The following ANKRD30BL variants were observed in gnomAD, a reference collection of about 807,000 sequenced individuals.
The protein encoded by ANKRD30BL is putative ankyrin repeat domain-containing protein 30B-like.
Under a neutral mutation model 18.4 loss-of-function variants are expected in ANKRD30BL, and 20 were observed. The observed-to-expected ratio is 1.09, with a 90% CI of 0.77 to 1.58. The LOEUF (loss-of-function observed/expected upper bound fraction) is 1.58, where lower values mean the gene tolerates loss of function less well. ANKRD30BL is among the 40% of genes most tolerant of loss of function. The probability of loss-of-function intolerance (pLI) is 0.00; values close to 1 mark genes in which losing one functional copy is unlikely to be tolerated. For synonymous variants in ANKRD30BL, 72 were observed against 100.9 expected, an observed-to-expected ratio of 0.71 and a Z score of 1.72; for missense variants, 224 against 268.6, an observed-to-expected ratio of 0.83 and a Z score of 1.16.
Position 132,148,068 on chromosome 2 carries a change from C to T in ANKRD30BL, c.*63G>A. On this transcript the variant is annotated 3_prime_UTR_variant, in exon 6 of 6. Transcript: ENST00000409867. ...CTCAGAACTCATTGTACTTAATCTT[C>T]CCCCTCTTGAATTTTAAAGGATGTT... 8.1e-7 allele frequency: 1 copy of T among 1,238,330 alleles called. No individual in the cohort carries two copies. The highest frequency in any genetic ancestry group is 1.2e-6 in the Non-Finnish European group (1 of 863,190). 76.7% of individuals were successfully genotyped at this position (1,238,330 alleles called of 1,614,324 possible).
intron 1 of ANKRD30BL, among the ~76,000 whole-genome samples, chr2:132,209,671 G>C (rs1679292386): frequency 6.6e-6 from 1 of 152,014 alleles, no homozygotes; most frequent in African/African-American, 2.4e-5. Flanking sequence ...GCCTGTGGTA[G>C]AAAAGGAAAT....
At chr2:132,165,738 A>C (rs1011812950), upstream of ANKRD30BL, among the ~76,000 whole-genome samples, 39 of 150,814 alleles carry the variant, frequency 2.6e-4, no homozygotes, top group Admixed American at 2.6e-4. Flanking sequence ...AACAAAAAAA[A>C]CCACAATTGC....
Position 132,157,440 on chromosome 2 carries a change from C to T in ANKRD30BL, c.219-17G>A. The stretch of plus-strand genomic sequence containing the variant: ...AGAGCAGTCCTACAAGAATGAGAGG[C>T]CTTTTAAGGAAAGTTTAGTCCACTG... On this transcript the variant is annotated splice_polypyrimidine_tract_variant and intron_variant, in intron 1 of 5. Coordinates refer to ENST00000409867, the MANE Select transcript of ANKRD30BL (RefSeq NM_001358416.1). 3.2e-6 allele frequency: 2 copies of T among 624,764 alleles called. No individual in the cohort carries two copies. The highest frequency in any genetic ancestry group is 5.9e-6 in the Non-Finnish European group (2 of 336,944). 38.7% of individuals were successfully genotyped at this position (624,764 alleles called of 1,614,324 possible). A position where few individuals can be genotyped will look rare whatever the true frequency, so the allele number is the denominator to read the frequency against.
chr2:132,198,758 C>T (rs1448407756), intron 1 of ANKRD30BL, among the ~76,000 whole-genome samples: 1 of 151,930 alleles, frequency 6.6e-6, no homozygotes, highest in Non-Finnish European at 1.5e-5. Flanking sequence ...GCTGGGATTA[C>T]AGGCGCCCAC....
upstream of ANKRD30BL, among the ~76,000 whole-genome samples, chr2:132,164,767 T>G (rs1424272129): frequency 6.6e-6 from 1 of 152,202 alleles, no homozygotes; most frequent in East Asian, 1.9e-4. Flanking sequence ...TTAAGTGACA[T>G]TCTTTGTTTT....
chr2:132,241,199 T>G lies in ANKRD30BL; in HGVS notation n.441+16330A>C, dbSNP rs546815110. ...TTCCCATAAAAACTAGACAGAAGAATTCTCAGAAACTTCTTTGTGATGTGT... is the reference window on the plus strand; with the variant it reads ...TTCCCATAAAAACTAGACAGAAGAAGTCTCAGAAACTTCTTTGTGATGTGT... On this transcript the variant is annotated intron_variant and non_coding_transcript_variant, in intron 1 of 4. Coordinates refer to the ANKRD30BL transcript ENST00000470729. Among the ~76,000 whole-genome samples, 342 of 151,838 alleles carry G rather than the reference T, an allele frequency of 2.3e-3. 1 individual carries two copies. Among genetic ancestry groups the G allele is most frequent in the African/African-American group, 7.8e-3 (322 of 41,530 alleles).
intron 1 of ANKRD30BL, among the ~76,000 whole-genome samples, chr2:132,175,273 A>AC (rs1688343039): frequency 6.6e-6 from 1 of 151,824 alleles, no homozygotes; most frequent in Admixed American, 6.6e-5. Context: ...AGGTCAGCAA[A>AC]AAAACATGTG....
intron 5 of ANKRD30BL, among the ~76,000 whole-genome samples, chr2:132,148,875 T>TA (rs1687685342): frequency 1.3e-5 from 2 of 152,068 alleles, no homozygotes; most frequent in South Asian, 4.1e-4. Flanking sequence ...TAGTAAATAA[T>TA]AAAAAATGAC....
chr2:132,164,001 C>T (rs572525795), upstream of ANKRD30BL, among the ~76,000 whole-genome samples: 5 of 152,242 alleles, frequency 3.3e-5, no homozygotes, highest in Admixed American at 2.0e-4. Flanking sequence ...CTGATGTCTA[C>T]GACTCAATTC....
chr2:132,163,743 G>C (rs1688134127), upstream of ANKRD30BL, among the ~76,000 whole-genome samples: 1 of 152,122 alleles, frequency 6.6e-6, no homozygotes, highest in African/African-American at 2.4e-5. Context: ...GGTGGGAATG[G>C]ATGCTCAGCA....
At chr2:132,237,284 TA>T (rs1680175962) in intron 1 of ANKRD30BL, among the ~76,000 whole-genome samples, 1 of 151,718 alleles carries the variant, frequency 6.6e-6, no homozygotes, top group South Asian at 2.1e-4. Flanking sequence ...ATAATAATAA[TA>T]AAAAGTAGAC....
intron 1 of ANKRD30BL, among the ~76,000 whole-genome samples, chr2:132,239,571 C>G (rs201716385): frequency 1.3e-5 from 2 of 150,700 alleles, no homozygotes; most frequent in Middle Eastern, 7.0e-3. Flanking sequence ...TTTGATACAC[C>G]CTTTTTGTTA....
intron 1 of ANKRD30BL, among the ~76,000 whole-genome samples, chr2:132,253,629 C>G (rs560105805): frequency 1.3e-5 from 2 of 152,230 alleles, no homozygotes; most frequent in Admixed American, 6.5e-5. Flanking sequence ...GGCGTGGCCC[C>G]AGCTGGCCGG....
intron 1 of ANKRD30BL, among the ~76,000 whole-genome samples, chr2:132,180,847 C>T (rs182046358): frequency 3.3e-5 from 5 of 151,984 alleles, no homozygotes; most frequent in Admixed American, 6.6e-5. Flanking sequence ...ACTTGATTAA[C>T]GTTATAAAGT....
chr2:132,239,954 G>A (rs543573503), intron 1 of ANKRD30BL, among the ~76,000 whole-genome samples: 10 of 151,942 alleles, frequency 6.6e-5, no homozygotes, highest in African/African-American at 1.9e-4. Context: ...GGATAGCTTT[G>A]AGGATTTCGT....
At chr2:132,225,813 A>G (rs1425019898) in intron 1 of ANKRD30BL, among the ~76,000 whole-genome samples, 1 of 151,886 alleles carries the variant, frequency 6.6e-6, no homozygotes, top group East Asian at 1.9e-4. Flanking sequence ...TTTGAGGCGT[A>G]CGGTGGAAAA....
chr2:132,224,614 T>C (rs1679791023), intron 1 of ANKRD30BL, among the ~76,000 whole-genome samples: 1 of 152,180 alleles, frequency 6.6e-6, no homozygotes, highest in Non-Finnish European at 1.5e-5. Flanking sequence ...TTTGAGAGCT[T>C]TGTGGCCTAT....
chr2:132,225,460 T>A (rs79534460), intron 1 of ANKRD30BL, among the ~76,000 whole-genome samples: 28 of 151,968 alleles, frequency 1.8e-4, no homozygotes, highest in Non-Finnish European at 3.1e-4. Context: ...ATATTTGGAT[T>A]GCTTTGAAGG....
intron 1 of ANKRD30BL, among the ~76,000 whole-genome samples, chr2:132,249,289 C>G (rs1293258662): frequency 6.6e-6 from 1 of 151,150 alleles, no homozygotes; most frequent in African/African-American, 2.4e-5. Flanking sequence ...GTCTAGTTTT[C>G]ATGTGAAGAT....
Sources: gnomAD v4.1 joint callset for allele counts (sites outside exome capture counted in the v4.1 genomes callset) on GRCh38, gnomAD v4.1.1 for gene constraint, MANE v1.5 for transcripts, NCBI Gene and HGNC (gene_info 2026-07-23, HGNC 2026-07-21) for gene names.